PXDNL: variants seen among roughly 807,000 people sequenced by gnomAD.
The protein encoded by PXDNL is probable oxidoreductase PXDNL.
A neutral mutation model predicts 150.8 loss-of-function variants in PXDNL; 145 were observed. The observed-to-expected ratio is 0.96, with a 90% CI of 0.84 to 1.10. PXDNL has a LOEUF of 1.10. Ranked by LOEUF, PXDNL falls within the 50% of genes least tolerant of loss-of-function variation. The pLI, the probability that PXDNL is intolerant of heterozygous loss-of-function variation, is 0.00. For missense variants in PXDNL, 2,087 were observed against 1,873.9 expected, an observed-to-expected ratio of 1.11 and a Z score of -2.10; for synonymous variants, 757 against 725.7, an observed-to-expected ratio of 1.04 and a Z score of -0.69.
chr8:51,712,773 G>A (rs1306258372), intron 1 of PXDNL, among the ~76,000 whole-genome samples: 1 of 152,178 alleles, frequency 6.6e-6, no homozygotes, highest in Non-Finnish European at 1.5e-5. Flanking sequence ...TGGGTTTATT[G>A]AATTCCTGGC....
chr8:51,572,132 A>G (rs1812959368), intron 3 of PXDNL, among the ~76,000 whole-genome samples: 1 of 151,910 alleles, frequency 6.6e-6, no homozygotes, highest in Non-Finnish European at 1.5e-5. Context: ...TAACCCCATC[A>G]TAAGTTAAGC....
intron 1 of PXDNL, among the ~76,000 whole-genome samples, chr8:51,684,438 G>A (rs910453899): frequency 1.3e-5 from 2 of 152,116 alleles, no homozygotes; most frequent in African/African-American, 4.8e-5. Context: ...TAATCGATGT[G>A]GAAAACCTGT....
chr8:51,742,453 G>A (rs922148722), intron 1 of PXDNL, among the ~76,000 whole-genome samples: 10 of 151,960 alleles, frequency 6.6e-5, no homozygotes, highest in Non-Finnish European at 1.2e-4. Flanking sequence ...TCCTCACTGT[G>A]ATATTGCACT....
At chr8:51,600,602 CGTTTAG>C (rs1813690495) in intron 2 of PXDNL, among the ~76,000 whole-genome samples, 1 of 117,652 alleles carries the variant, frequency 8.5e-6, no homozygotes, top group African/African-American at 3.4e-5. Context: ...TAAATTATAT[CGTTTAG>C]ATAATAAATT....
At chr8:51,650,353 C>T (rs1442103738) in intron 2 of PXDNL, among the ~76,000 whole-genome samples, 1 of 152,116 alleles carries the variant, frequency 6.6e-6, no homozygotes, top group Non-Finnish European at 1.5e-5. Flanking sequence ...ACTCTTCTCA[C>T]TCACCCTATA....
chr8:51,578,717 A>T (rs1182119410), intron 3 of PXDNL, among the ~76,000 whole-genome samples: 2 of 152,056 alleles, frequency 1.3e-5, no homozygotes, highest in African/African-American at 4.8e-5. Flanking sequence ...TTCAGGATGT[A>T]TTATTTAGCT....
At chr8:51,547,307 C>A (rs543624874) in intron 4 of PXDNL, among the ~76,000 whole-genome samples, 14 of 152,162 alleles carry the variant, frequency 9.2e-5, no homozygotes, top group African/African-American at 3.4e-4. Flanking sequence ...GCAAATTTCA[C>A]CAGCTGCAAC....
intron 1 of PXDNL, among the ~76,000 whole-genome samples, chr8:51,705,839 GCGC>G (rs1816366540): frequency 1.6e-4 from 2 of 12,182 alleles, no homozygotes; most frequent in African/African-American, 4.0e-4. Flanking sequence ...GTGTGCGCGC[GCGC>G]GCGCGCGCGC....
At chr8:51,636,455 T>G (rs1814604854) in intron 2 of PXDNL, among the ~76,000 whole-genome samples, 2 of 152,110 alleles carry the variant, frequency 1.3e-5, no homozygotes, top group Non-Finnish European at 2.9e-5. Context: ...TCTCAAAGAT[T>G]TCAGAAAATA....
chr8:51,654,675 C>G lies in PXDNL; in HGVS notation c.236+14G>C. On this transcript the variant is annotated intron_variant, in intron 2 of 22. Coordinates refer to ENST00000356297, the MANE Select transcript of PXDNL (RefSeq NM_144651.5). ...TAATTTTAGGAACCTTACAGATAAG[C>G]AATAAGTACTCACAGTGTGTTCAAA... 1 of 1,600,160 alleles carries G rather than the reference C, an allele frequency of 6.2e-7. No homozygotes were observed. The highest frequency in any genetic ancestry group is 8.6e-7 in the Non-Finnish European group (1 of 1,168,150).
intron 2 of PXDNL, among the ~76,000 whole-genome samples, chr8:51,628,933 T>C (rs1814427620): frequency 6.6e-6 from 1 of 152,084 alleles, no homozygotes; most frequent in South Asian, 2.1e-4. Context: ...AGAGTCACCA[T>C]ATTATCTATT....
chr8:51,714,686 G>C (rs887459010), intron 1 of PXDNL, among the ~76,000 whole-genome samples: 6 of 152,134 alleles, frequency 3.9e-5, no homozygotes, highest in Non-Finnish European at 7.3e-5. Flanking sequence ...AATGACAAGA[G>C]GGGAAGGAAA....
At chr8:51,626,675 C>A (rs1814366546) in intron 2 of PXDNL, among the ~76,000 whole-genome samples, 1 of 152,186 alleles carries the variant, frequency 6.6e-6, no homozygotes, top group Non-Finnish European at 1.5e-5. Context: ...AGTGTAAATA[C>A]AACCTCTTTC....
intron 3 of PXDNL, among the ~76,000 whole-genome samples, chr8:51,570,952 G>A (rs1026212000): frequency 6.6e-6 from 1 of 151,506 alleles, no homozygotes; most frequent in African/African-American, 2.4e-5. Flanking sequence ...TATACTTGGG[G>A]GCAAACTGAA....
In PXDNL at chr8:51,472,210, A is replaced by T; in HGVS notation, c.789T>A (p.Pro263=). 6.2e-7 allele frequency: 1 copy of T among 1,611,772 alleles called. No individual in the cohort carries two copies. The highest frequency in any genetic ancestry group is 8.5e-7 in the Non-Finnish European group (1 of 1,178,040). The change falls in exon 8 of 23, where the codon CCT becomes CCA. Residue 263 remains proline, a synonymous_variant. Coordinates refer to ENST00000356297, the MANE Select transcript of PXDNL (RefSeq NM_144651.5). ...ACTTGTTGTGTATCCAAATAATCTCAGGTTTGGGGTTTCCTTCCGCCCGGC... is the reference window on the plus strand; with the variant it reads ...ACTTGTTGTGTATCCAAATAATCTCTGGTTTGGGGTTTCCTTCCGCCCGGC... The part of the protein sequence containing the change: ...FTCRAEGNPK[P]EIIWIHNNHS...
chr8:51,612,369 C>T (rs938223640), intron 2 of PXDNL, among the ~76,000 whole-genome samples: 2 of 152,142 alleles, frequency 1.3e-5, no homozygotes, highest in Non-Finnish European at 2.9e-5. Context: ...TTGTGGGGGG[C>T]TAACAATCGC....
At chr8:51,437,948 T>C (rs1390854380) in intron 12 of PXDNL, among the ~76,000 whole-genome samples, 1 of 152,184 alleles carries the variant, frequency 6.6e-6, no homozygotes, top group Non-Finnish European at 1.5e-5. Flanking sequence ...CTGATAAATG[T>C]ATTCAGCAAA....
At chr8:51,510,919 T>C (rs1378010101) in intron 4 of PXDNL, among the ~76,000 whole-genome samples, 4 of 152,098 alleles carry the variant, frequency 2.6e-5, no homozygotes, top group Non-Finnish European at 2.9e-5. Context: ...GAAATTGATG[T>C]TGTCAGTGCT....
intron 2 of PXDNL, among the ~76,000 whole-genome samples, chr8:51,602,007 C>T (rs577180644): frequency 4.6e-5 from 7 of 151,834 alleles, no homozygotes; most frequent in Non-Finnish European, 8.8e-5. Flanking sequence ...ATATGAAATT[C>T]TTGGTTGGAA....
Sources: gnomAD v4.1 joint callset for allele counts (sites outside exome capture counted in the v4.1 genomes callset) on GRCh38, gnomAD v4.1.1 for gene constraint, MANE v1.5 for transcripts, NCBI Gene and HGNC (gene_info 2026-07-23, HGNC 2026-07-21) for gene names.